The following SAMMSON variants were observed in gnomAD, a reference collection of about 807,000 sequenced individuals.
SAMMSON encodes the protein long intergenic non-protein coding RNA 1212.
chr3:70,339,698 A>G (rs931783221), intron 7 of SAMMSON, among the ~76,000 whole-genome samples: 9 of 152,214 alleles, frequency 5.9e-5, no homozygotes, highest in African/African-American at 2.2e-4. Flanking sequence ...TCAAAACCAC[A>G]ACGAGATACC....
chr3:70,297,571 A>G (rs1030457510), intron 7 of SAMMSON, among the ~76,000 whole-genome samples: 1 of 152,078 alleles, frequency 6.6e-6, no homozygotes, highest in Non-Finnish European at 1.5e-5. Context: ...AGCAATATGT[A>G]TATTTGTGTT....
intron 6 of SAMMSON, among the ~76,000 whole-genome samples, chr3:70,269,543 G>T (rs1701955221): frequency 6.6e-6 from 1 of 152,004 alleles, no homozygotes; most frequent in African/African-American, 2.4e-5. Flanking sequence ...AATATTTTTT[G>T]ACCACGTAGC....
Position 70,215,839 on chromosome 3 carries a change from C to T in SAMMSON, n.508-33268C>T, listed in dbSNP as rs530835086. On this transcript the variant is annotated intron_variant and non_coding_transcript_variant, in intron 4 of 9. Coordinates refer to ENST00000642114, the Ensembl canonical transcript of SAMMSON. ...GTGGCGTGTCTTGGTTTTCAGTTGA[C>T]AATGGACTCATCCTTAGGGGAGGTT... Among the ~76,000 whole-genome samples the T allele has an allele frequency of 3.3e-5, 5 of 152,232 alleles. No individual in the cohort carries two copies. The South Asian group carries it at 8.3e-4, about 25-fold the overall frequency.
chr3:70,164,942 T>A (rs1248333287), intron 4 of SAMMSON, among the ~76,000 whole-genome samples: 1 of 152,058 alleles, frequency 6.6e-6, no homozygotes, highest in Non-Finnish European at 1.5e-5. Flanking sequence ...TTTGGCGGCA[T>A]AATATTTTGA....
intron 7 of SAMMSON, among the ~76,000 whole-genome samples, chr3:70,335,736 A>G (rs919240019): frequency 6.6e-6 from 1 of 152,138 alleles, no homozygotes; most frequent in African/African-American, 2.4e-5. Flanking sequence ...ACCACCACCA[A>G]CAACAAAACA....
chr3:70,214,243 C>G (rs547468373), intron 4 of SAMMSON, among the ~76,000 whole-genome samples: 29 of 152,014 alleles, frequency 1.9e-4, no homozygotes, highest in Non-Finnish European at 3.5e-4. Flanking sequence ...AATGGCAGCT[C>G]TGGTTGGAAG....
chr3:70,399,585 G>T (rs1398164176), intron 2 of SAMMSON, among the ~76,000 whole-genome samples: 1 of 151,942 alleles, frequency 6.6e-6, no homozygotes, highest in African/African-American at 2.4e-5. Flanking sequence ...ACTTTCATGG[G>T]CCAGACATGG....
At chr3:70,160,985 T>C (rs71298328) in intron 4 of SAMMSON, among the ~76,000 whole-genome samples, 220 of 152,258 alleles carry the variant, frequency 1.4e-3, no homozygotes, top group Middle Eastern at 3.4e-3. Flanking sequence ...TGTATTCATA[T>C]GTAGAAATAC....
intron 3 of SAMMSON, chr3:70,070,398 G>C (rs2107594399): frequency 6.6e-6 from 1 of 151,958 alleles, no homozygotes; most frequent in South Asian, 2.1e-4. Flanking sequence ...TAACCACCAA[G>C]AAGTAATTTG....
At chr3:70,020,188 G>A (rs1233495923) in intron 3 of SAMMSON, among the ~76,000 whole-genome samples, 1 of 152,154 alleles carries the variant, frequency 6.6e-6, no homozygotes, top group African/African-American at 2.4e-5. Flanking sequence ...TTGCAGAAAA[G>A]AGTACTAAAT....
intron 2 of SAMMSON, among the ~76,000 whole-genome samples, chr3:70,431,478 AAATAT>A (rs1475652839): frequency 2.0e-5 from 3 of 151,994 alleles, no homozygotes; most frequent in Non-Finnish European, 2.9e-5. Context: ...AAAGTAATAG[AAATAT>A]AATAAAATAT....
At chr3:70,206,501 T>C (rs1701291945) in intron 4 of SAMMSON, 4 of 396,578 alleles carry the variant, frequency 1.0e-5, no homozygotes, top group South Asian at 2.7e-4. Flanking sequence ...ACAGCATATG[T>C]GATGATTTTA....
intron 6 of SAMMSON, among the ~76,000 whole-genome samples, chr3:70,287,416 T>C (rs1321806032): frequency 6.6e-6 from 1 of 151,628 alleles, no homozygotes; most frequent in African/African-American, 2.4e-5. Context: ...GCCCACTTGA[T>C]CATGGTGGAT....
At chr3:70,351,671 A>C (rs1323850880) in intron 7 of SAMMSON, among the ~76,000 whole-genome samples, 1 of 134,148 alleles carries the variant, frequency 7.5e-6, no homozygotes, top group Non-Finnish European at 1.6e-5. Context: ...GGTCACTCAG[A>C]AATGCTAATG....
rs145687345 is a variant in SAMMSON, at chr3:70,240,377, A to C, written n.508-8730A>C. Among the ~76,000 whole-genome samples the C allele has an allele frequency of 5.2e-3, 798 of 152,208 alleles. 10 individuals carry two copies. The highest frequency in any genetic ancestry group is 0.018 in the African/African-American group (759 of 41,548). On this transcript the variant is annotated intron_variant and non_coding_transcript_variant, in intron 4 of 9. Transcript: ENST00000642114. The stretch of plus-strand genomic sequence containing the variant: ...TCTCCACTTGTGTTTGTGAAGTAGA[A>C]GTGAGCTATGTGGTTTTTTGTCTTT...
chr3:70,115,302 A>G (rs1430585643), intron 4 of SAMMSON, among the ~76,000 whole-genome samples: 3 of 151,868 alleles, frequency 2.0e-5, no homozygotes, highest in Non-Finnish European at 4.4e-5. Context: ...CAGAATTTGA[A>G]CCCATGCCTC....
At chr3:70,184,151 C>T (rs1465843301) in intron 4 of SAMMSON, 1 of 152,198 alleles carries the variant, frequency 6.6e-6, no homozygotes, top group African/African-American at 2.4e-5. Context: ...AATGTATCAT[C>T]CGTGATGCTT....
chr3:70,187,108 G>A (rs1391823389), intron 4 of SAMMSON, among the ~76,000 whole-genome samples: 7 of 152,304 alleles, frequency 4.6e-5, no homozygotes, highest in South Asian at 2.1e-4. Flanking sequence ...CACCAAGGCC[G>A]AATGGGGAGT....
At chr3:70,249,794 A>T (rs1420267718) in intron 6 of SAMMSON, 1 of 152,160 alleles carries the variant, frequency 6.6e-6, no homozygotes. Flanking sequence ...AGTTGCTAAG[A>T]TACGGTAGTT....
Sources: allele counts gnomAD v4.1 joint callset (sites outside exome capture counted in the v4.1 genomes callset), GRCh38; gene constraint gnomAD v4.1.1; transcripts MANE v1.5; gene names NCBI Gene and HGNC (gene_info 2026-07-23, HGNC 2026-07-21).